Variants in CAMTA1 observed in about 807,000 individuals in gnomAD.
CAMTA1 encodes the protein calmodulin-binding transcription activator 1.
A neutral mutation model predicts 170.9 loss-of-function variants in CAMTA1; 27 were observed. That is an observed-to-expected ratio of 0.16 (90% CI 0.12 to 0.22). The LOEUF (loss-of-function observed/expected upper bound fraction) is 0.22. CAMTA1 is among the 10% of genes least tolerant of loss of function. The pLI, the probability that CAMTA1 is intolerant of heterozygous loss-of-function variation, is 1.00. For synonymous variants in CAMTA1, 833 were observed against 891.5 expected (o/e 0.93, Z 1.17); for missense variants, 1,619 against 2,217.2 (o/e 0.73, Z 5.42).
rs2093153459 is a variant in CAMTA1, at chr1:7,463,999, C to G, written c.439-3831C>G. On this transcript the variant is annotated intron_variant, in intron 5 of 22. Coordinates refer to ENST00000303635, the MANE Select transcript of CAMTA1 (RefSeq NM_015215.4). The surrounding 1 kb of genome is among the most constrained non-coding windows in gnomAD (Gnocchi z 4.7). Reference sequence around the variant, plus strand: ...TTATAAAAATAAATAAATAAATAAGCCCTATAGTGTCATAAAAGCAATTTT... The same window carrying G: ...TTATAAAAATAAATAAATAAATAAGGCCTATAGTGTCATAAAAGCAATTTT... 6.6e-6 allele frequency among the ~76,000 whole-genome samples: 1 copy of G among 152,114 alleles called. No individual in the cohort carries two copies. Among genetic ancestry groups the G allele is most frequent in the African/African-American group, 2.4e-5 (1 of 41,414 alleles).
intron 6 of CAMTA1, among the ~76,000 whole-genome samples, chr1:7,536,635 A>C (rs1049680624): frequency 2.6e-5 from 4 of 152,068 alleles, no homozygotes; most frequent in African/African-American, 7.2e-5. Flanking sequence ...CGGGGCTGGG[A>C]CACCGGCCCC....
chr1:6,901,246 A>T (rs917301157), intron 3 of CAMTA1, among the ~76,000 whole-genome samples: 1 of 152,224 alleles, frequency 6.6e-6, no homozygotes, highest in Non-Finnish European at 1.5e-5. Flanking sequence ...AATTAACTCA[A>T]AGTGGATCAT....
chr1:7,710,828 A>G (rs1205384696), intron 11 of CAMTA1, among the ~76,000 whole-genome samples: 1 of 152,008 alleles, frequency 6.6e-6, no homozygotes, highest in Non-Finnish European at 1.5e-5. Context: ...TCGTCTGCCA[A>G]ATTACCAGAT....
At chr1:7,721,518 G>A (rs2096649409) in intron 11 of CAMTA1, among the ~76,000 whole-genome samples, 2 of 152,126 alleles carry the variant, frequency 1.3e-5, no homozygotes, top group African/African-American at 4.8e-5. Flanking sequence ...TTCACCAGGT[G>A]GATGAGGAGA....
rs1356404150 is a variant in CAMTA1 at position 7,682,562 on chromosome 1, T to A, written c.2914+4829T>A. ...GCCTGTCCCTGGCATGTGGCTGTGG[T>A]CCTGCTGGCCTTTCCTTGTGGGCTG... On this transcript the variant is annotated intron_variant, in intron 11 of 22. Coordinates refer to ENST00000303635, the MANE Select transcript of CAMTA1 (RefSeq NM_015215.4). This position sits in a 1 kb window ranked among gnomAD's most constrained non-coding sequence, Gnocchi z 5.0. Among the ~76,000 whole-genome samples, 1 of 152,230 alleles carries A rather than the reference T, an allele frequency of 6.6e-6. No individual in the cohort carries two copies. The highest frequency in any genetic ancestry group is 6.5e-5 in the Admixed American group (1 of 15,292).
At chr1:6,972,854 C>T (rs1486512213) in intron 3 of CAMTA1, among the ~76,000 whole-genome samples, 1 of 152,096 alleles carries the variant, frequency 6.6e-6, no homozygotes, top group African/African-American at 2.4e-5. Context: ...TTTTCCTTTT[C>T]CCTTTCCCTT....
chr1:7,588,018 T>G lies in CAMTA1; in HGVS notation c.511-52382T>G, dbSNP rs1195647779. Among the ~76,000 whole-genome samples, 2 of 152,108 alleles carry G rather than the reference T, an allele frequency of 1.3e-5. No homozygotes were observed. The highest frequency in any genetic ancestry group is 3.9e-4 in the East Asian group (2 of 5,176). ...CCTATCGGTGCCTGGCCCTGGCCAT[T>G]CATTCCTCGTTCAAGTGCGTGTGGC... On this transcript the variant is annotated intron_variant, in intron 6 of 22. Transcript: ENST00000303635. This position sits in a 1 kb window ranked among gnomAD's most constrained non-coding sequence, Gnocchi z 5.8.
intron 1 of CAMTA1, among the ~76,000 whole-genome samples, chr1:6,805,192 T>C (rs539150537): frequency 2.0e-5 from 3 of 152,342 alleles, no homozygotes; most frequent in Admixed American, 2.0e-4. Flanking sequence ...ACACTTGTTA[T>C]TGTCCATCTT....
At chr1:7,162,265 C>G (rs947334260) in intron 4 of CAMTA1, among the ~76,000 whole-genome samples, 1 of 152,100 alleles carries the variant, frequency 6.6e-6, no homozygotes, top group Non-Finnish European at 1.5e-5. Context: ...GCAGTGGACG[C>G]CATTCGAAGG....
At chr1:7,127,137 C>T (rs931499688) in intron 4 of CAMTA1, among the ~76,000 whole-genome samples, 1 of 151,296 alleles carries the variant, frequency 6.6e-6, no homozygotes, top group Non-Finnish European at 1.5e-5. Context: ...AGCCCGCAGA[C>T]GTGGGGCTAG....
intron 4 of CAMTA1, among the ~76,000 whole-genome samples, chr1:7,211,551 G>A (rs1188336636): frequency 6.6e-6 from 1 of 152,154 alleles, no homozygotes; most frequent in Non-Finnish European, 1.5e-5. Flanking sequence ...GTGATTTTGA[G>A]ATTCATCCGT....
chr1:7,317,225 C>T (rs1023381291), intron 5 of CAMTA1, among the ~76,000 whole-genome samples: 2 of 152,176 alleles, frequency 1.3e-5, no homozygotes, highest in Non-Finnish European at 2.9e-5. Context: ...CCCCAGGAGG[C>T]GTGTGGTCCT....
intron 1 of CAMTA1, among the ~76,000 whole-genome samples, chr1:6,796,278 C>T (rs1642492675): frequency 6.6e-6 from 1 of 151,648 alleles, no homozygotes; most frequent in Non-Finnish European, 1.5e-5. Context: ...GCTGGGACTA[C>T]AGGCACGCGC....
rs1553180481 is a variant in CAMTA1, at chr1:6,902,078, A to AAAT, written c.234+76870_234+76871insTAA. 3.4e-3 allele frequency among the ~76,000 whole-genome samples: 298 copies of AAAT among 86,476 alleles called. 2 individuals carry two copies. Among genetic ancestry groups the AAAT allele is most frequent in the African/African-American group, 0.01 (289 of 28,630 alleles). 56.7% of individuals were successfully genotyped at this position (86,476 alleles called of 152,430 possible). Reference sequence around the variant, plus strand: ...ACACACACACACACACACACAAAAAAAAAAATAAAAATAAAAACTCGTACT... The same window carrying AAAT: ...ACACACACACACACACACACAAAAAAAATAAAAATAAAAATAAAAACTCGTACT... On this transcript the variant is annotated intron_variant, in intron 3 of 22. Coordinates refer to ENST00000303635, the MANE Select transcript of CAMTA1 (RefSeq NM_015215.4).
chr1:6,985,545 G>A (rs541716760), intron 3 of CAMTA1, among the ~76,000 whole-genome samples: 5 of 152,204 alleles, frequency 3.3e-5, no homozygotes, highest in South Asian at 2.1e-4. Context: ...TACTTTCATC[G>A]GGGACCCGAT....
At chr1:7,723,512 C>T (rs1017455703) in intron 11 of CAMTA1, among the ~76,000 whole-genome samples, 3 of 152,168 alleles carry the variant, frequency 2.0e-5, no homozygotes, top group Admixed American at 2.0e-4. Context: ...CCCCCGTCTG[C>T]GAGGTGGAAC....
chr1:7,444,703 C>A (rs2092635316), intron 5 of CAMTA1, among the ~76,000 whole-genome samples: 1 of 152,240 alleles, frequency 6.6e-6, no homozygotes, highest in Non-Finnish European at 1.5e-5. Flanking sequence ...AGAGGAGAAG[C>A]TGTTGTAGGA....
chr1:7,281,459 T>C (rs1387018798), intron 5 of CAMTA1, among the ~76,000 whole-genome samples: 2 of 152,168 alleles, frequency 1.3e-5, no homozygotes, highest in Non-Finnish European at 2.9e-5. Flanking sequence ...AATTTGAATC[T>C]CTTGTAAATT....
At chr1:7,210,852 TA>T (rs1448318833) in intron 4 of CAMTA1, among the ~76,000 whole-genome samples, 1 of 152,224 alleles carries the variant, frequency 6.6e-6, no homozygotes, top group Admixed American at 6.5e-5. Flanking sequence ...TTCATTAGGT[TA>T]TATATTTGTC....
Sources: allele counts gnomAD v4.1 joint callset (sites outside exome capture counted in the v4.1 genomes callset), GRCh38; gene constraint gnomAD v4.1.1; non-coding constraint Gnocchi (gnomAD v3.1); transcripts MANE v1.5; gene names NCBI Gene and HGNC (gene_info 2026-07-23, HGNC 2026-07-21).